Variants in ZKSCAN5 observed in about 807,000 individuals in gnomAD.
ZKSCAN5 encodes zinc finger protein with KRAB and SCAN domains 5.
Under a neutral mutation model 60.0 loss-of-function variants are expected in ZKSCAN5, and 28 were observed. The observed-to-expected ratio is 0.47, with a 90% CI of 0.35 to 0.64. ZKSCAN5 has a LOEUF of 0.64. Ranked by LOEUF, ZKSCAN5 falls within the 30% of genes least tolerant of loss-of-function variation. The pLI, the probability that ZKSCAN5 is intolerant of heterozygous loss-of-function variation, is 0.01. For synonymous variants in ZKSCAN5, 361 were observed against 371.2 expected, an observed-to-expected ratio of 0.97 and a Z score of 0.31; for missense variants, 881 against 1,034.6, an observed-to-expected ratio of 0.85 and a Z score of 2.04.
rs1380439500 is a variant in ZKSCAN5, at chr7:99,533,608, CTCACCCAGGAG to C, written c.*1364_*1374del. 8.8e-5 allele frequency: 36 copies of C among 407,350 alleles called. No homozygotes were observed. The Admixed American group carries it at 1.5e-3, about 17-fold the overall frequency. 25.2% of individuals were successfully genotyped at this position (407,350 alleles called of 1,614,324 possible). On this transcript the variant is annotated 3_prime_UTR_variant, in exon 7 of 7. Coordinates refer to ENST00000326775, the MANE Select transcript of ZKSCAN5 (RefSeq NM_145102.4). ...CCTCAGGAGATGAGAGCCATCTCACCTCACCCAGGAGTCACTTCCTCTCTACACCCCAACAC... is the reference window on the plus strand; with the variant it reads ...CCTCAGGAGATGAGAGCCATCTCACCTCACTTCCTCTCTACACCCCAACAC...
At chr7:99,519,994 C>T (rs1801454093) in intron 4 of ZKSCAN5, 85 bp downstream of exon 4, 2 of 1,545,990 alleles carry the variant, frequency 1.3e-6, no homozygotes, top group Admixed American at 1.7e-5. Flanking sequence ...TGACTAGGCC[C>T]ATCTTGGGTT....
intron 3 of ZKSCAN5, among the ~76,000 whole-genome samples, chr7:99,516,439 T>C (rs1375051089): frequency 2.0e-5 from 3 of 152,148 alleles, no homozygotes; most frequent in African/African-American, 4.8e-5. Context: ...TCTGTAACCA[T>C]TGTCCCGTCC....
chr7:99,510,889 G>A (rs775799758), intron 2 of ZKSCAN5, among the ~76,000 whole-genome samples: 7 of 152,060 alleles, frequency 4.6e-5, no homozygotes, highest in Non-Finnish European at 8.8e-5. Context: ...CTATATAGAT[G>A]TATGCTACCA....
chr7:99,530,696 G>A (rs1195595797), intron 6 of ZKSCAN5, among the ~76,000 whole-genome samples: 1 of 152,078 alleles, frequency 6.6e-6, no homozygotes, highest in Non-Finnish European at 1.5e-5. Context: ...ATCCACCTCT[G>A]TTACTCCCGT....
rs763860286 is a variant in ZKSCAN5 at position 99,531,993 on chromosome 7, G to T, written c.2264G>T (p.Gly755Val). Residue 755 changes from glycine to valine, a missense_variant, in exon 7 of 7, where the codon GGC (glycine) becomes GTC (valine). Gly to Val is a moderately radical substitution (Grantham distance 109). Coordinates refer to ENST00000326775, the MANE Select transcript of ZKSCAN5 (RefSeq NM_145102.4). ...TGTGATATATGTAGAGAAAATGTTG[G>T]CCAGTGTTCCCACACCAAACAACAT... The part of the protein sequence containing the change: ...YQCDICRENV[G>V]QCSHTKQHQK... 23 of 1,613,964 alleles carry T rather than the reference G, an allele frequency of 1.4e-5. No homozygotes were observed. The highest frequency in any genetic ancestry group is 1.9e-5 in the Non-Finnish European group (23 of 1,180,038).
rs550176438 is a variant in ZKSCAN5 at position 99,521,258 on chromosome 7, C to T, written c.772+954C>T. Among the ~76,000 whole-genome samples, 8 of 152,256 alleles carry T rather than the reference C, an allele frequency of 5.3e-5. 1 individual carries two copies. The South Asian group carries it at 8.3e-4, about 16-fold the overall frequency. The stretch of plus-strand genomic sequence containing the variant: ...TGTCTCCCAGGCTGGAGTACAATGG[C>T]GCAATCTCAGCTCCCTGCAACCTCT... On this transcript the variant is annotated intron_variant, in intron 5 of 6. Coordinates refer to ENST00000326775, the MANE Select transcript of ZKSCAN5 (RefSeq NM_145102.4).
chr7:99,520,449 C>T, intron 5 of ZKSCAN5, 145 bp downstream of exon 5: 1 of 928,772 alleles, frequency 1.1e-6, no homozygotes, highest in Non-Finnish European at 1.5e-6. Flanking sequence ...AATAAATCAG[C>T]CTTCATTTTT....
At chr7:99,508,052 C>T (rs1800845450) in intron 2 of ZKSCAN5, among the ~76,000 whole-genome samples, 1 of 152,156 alleles carries the variant, frequency 6.6e-6, no homozygotes, top group Admixed American at 6.5e-5. Context: ...GTAATCCCAG[C>T]ACTTGGGGAG....
chr7:99,521,722 TTGA>T (rs1396632923), intron 5 of ZKSCAN5, among the ~76,000 whole-genome samples: 3 of 152,038 alleles, frequency 2.0e-5, no homozygotes, highest in Admixed American at 6.6e-5. Flanking sequence ...TTTTTTTATT[TTGA>T]TGTTTTAATT....
Position 99,526,376 on chromosome 7 carries a change from A to G in ZKSCAN5, c.1336A>G (p.Ile446Val). The change falls in exon 6 of 7, where the codon ATC (isoleucine) becomes GTC (valine). Residue 446 changes from isoleucine to valine, a missense_variant. This residue lies in a region of ZKSCAN5 where 490 missense variants were observed against 554.5 expected (regional missense o/e 0.88). Transcript: ENST00000326775. ...GKNFGRHSHLIEHLKRHFREK... is the reference protein window; with the variant it reads ...GKNFGRHSHLVEHLKRHFREK... Reference sequence around the variant, plus strand: ...GAACTTCGGTCGCCATTCGCATCTGATCGAACACCTAAAACGCCACTTCAG... The same window carrying G: ...GAACTTCGGTCGCCATTCGCATCTGGTCGAACACCTAAAACGCCACTTCAG... 1 of 1,602,764 alleles carries G rather than the reference A, an allele frequency of 6.2e-7. No individual in the cohort carries two copies. Among genetic ancestry groups the G allele is most frequent in the Non-Finnish European group, 8.5e-7 (1 of 1,179,944 alleles).
intron 2 of ZKSCAN5, among the ~76,000 whole-genome samples, chr7:99,510,841 A>C (rs1800988137): frequency 6.6e-6 from 1 of 152,024 alleles, no homozygotes; most frequent in Non-Finnish European, 1.5e-5. Flanking sequence ...CCCAGGCTCA[A>C]GCGATCCTCC....
intron 6 of ZKSCAN5, among the ~76,000 whole-genome samples, chr7:99,528,119 CTTTTTTT>C (rs869150553): frequency 2.5e-5 from 3 of 121,256 alleles, no homozygotes; most frequent in Admixed American, 8.4e-5. Flanking sequence ...AAATGTTTTT[CTTTTTTT>C]TTTTTTTTTT....
intron 3 of ZKSCAN5, among the ~76,000 whole-genome samples, chr7:99,519,478 T>C (rs1185346832): frequency 1.3e-5 from 2 of 151,950 alleles, no homozygotes; most frequent in African/African-American, 4.8e-5. Flanking sequence ...GGATTTTGCC[T>C]TGTTGGCCAG....
rs1197982453 is a variant in ZKSCAN5 at position 99,526,351 on chromosome 7, G to A, written c.1311G>A (p.Lys437=). 2 of 1,606,880 alleles carry A rather than the reference G, an allele frequency of 1.2e-6. No homozygotes were observed. The highest frequency in any genetic ancestry group is 1.7e-6 in the Non-Finnish European group (2 of 1,180,002). Residue 437 remains lysine, a synonymous_variant, in exon 6 of 7, where the codon AAG becomes AAA. Transcript: ENST00000326775. ...CCTATGGCTGCAATGAGTGTGGGAA[G>A]AACTTCGGTCGCCATTCGCATCTGA... The part of the protein sequence containing the change: ...ERPYGCNECG[K]NFGRHSHLIE...
At chr7:99,525,133 T>C (rs1801717211) in intron 5 of ZKSCAN5, among the ~76,000 whole-genome samples, 1 of 149,046 alleles carries the variant, frequency 6.7e-6, no homozygotes, top group Non-Finnish European at 1.5e-5. Context: ...GCCACTGCAC[T>C]CCAGCCTGGG....
chr7:99,512,072 G>A (rs1294541245), intron 2 of ZKSCAN5, among the ~76,000 whole-genome samples: 3 of 152,144 alleles, frequency 2.0e-5, no homozygotes, highest in Non-Finnish European at 2.9e-5. Flanking sequence ...GATTACAGGC[G>A]TGAGCCACCC....
intron 3 of ZKSCAN5, among the ~76,000 whole-genome samples, chr7:99,514,575 C>A (rs999588342): frequency 6.6e-6 from 1 of 150,430 alleles, no homozygotes; most frequent in African/African-American, 2.4e-5. Flanking sequence ...AGTTTGATAC[C>A]ATCCTGGGCA....
At chr7:99,505,973 G>T (rs926096395) in intron 1 of ZKSCAN5, 32 bp from the exon 2 acceptor site, 15 of 1,538,030 alleles carry the variant, frequency 9.8e-6, no homozygotes, top group Non-Finnish European at 1.3e-5. Flanking sequence ...TCCTTCAGAA[G>T]ATATTAAAGA....
chr7:99,530,369 G>T (rs1035603505), intron 6 of ZKSCAN5, among the ~76,000 whole-genome samples: 42 of 152,252 alleles, frequency 2.8e-4, no homozygotes, highest in Non-Finnish European at 1.5e-5. Context: ...TCTTGCAGGA[G>T]TAAGGCAGTA....
Sources: gnomAD v4.1 joint callset for allele counts (sites outside exome capture counted in the v4.1 genomes callset) on GRCh38, gnomAD v4.1.1 for gene constraint, gnomAD v4.1.1 regional missense constraint, MANE v1.5 for transcripts, NCBI Gene and HGNC (gene_info 2026-07-23, HGNC 2026-07-21) for gene names.